The following KCND2 variants were observed in gnomAD, a reference collection of about 807,000 sequenced individuals.
The protein encoded by KCND2 is A-type voltage-gated potassium channel KCND2.
Under a neutral mutation model 54.4 loss-of-function variants are expected in KCND2, and 16 were observed. The ratio of observed to expected loss-of-function variants is 0.29; its 90% CI spans 0.20 to 0.45. The LOEUF (loss-of-function observed/expected upper bound fraction) is 0.45, where lower values mean the gene tolerates loss of function less well. KCND2 is among the 20% of genes least tolerant of loss of function. The pLI, the probability that KCND2 is intolerant of heterozygous loss-of-function variation, is 1.00. For synonymous variants in KCND2, 317 were observed against 310.7 expected (o/e 1.02, Z -0.21); for missense variants, 486 against 824.2 (o/e 0.59, Z 5.02).
At chr7:120,356,120 A>G (rs940604182) in intron 1 of KCND2, among the ~76,000 whole-genome samples, 1 of 152,158 alleles carries the variant, frequency 6.6e-6, no homozygotes, top group Non-Finnish European at 1.5e-5. Flanking sequence ...GGGAGTATGA[A>G]TTGTGTGATT....
intron 1 of KCND2, among the ~76,000 whole-genome samples, chr7:120,716,362 G>A (rs565411826): frequency 1.3e-5 from 2 of 152,034 alleles, no homozygotes; most frequent in East Asian, 1.9e-4. Context: ...ACATTAATCT[G>A]TTTATTAGGT....
intron 1 of KCND2, among the ~76,000 whole-genome samples, chr7:120,667,692 A>G (rs1268800695): frequency 2.0e-5 from 3 of 152,074 alleles, no homozygotes; most frequent in African/African-American, 7.2e-5. Flanking sequence ...GAGTTCTTCA[A>G]CCAAATGTAT....
At chr7:120,617,313 G>A (rs911644543) in intron 1 of KCND2, among the ~76,000 whole-genome samples, 6 of 151,838 alleles carry the variant, frequency 4.0e-5, no homozygotes, top group Non-Finnish European at 5.9e-5. Context: ...TAATGAAACC[G>A]GTTTAAACCA....
chr7:120,586,219 C>G (rs1792598968), intron 1 of KCND2, among the ~76,000 whole-genome samples: 1 of 151,966 alleles, frequency 6.6e-6, no homozygotes, highest in Non-Finnish European at 1.5e-5. Flanking sequence ...CAGATGGCTA[C>G]AGAATGATGA....
At chr7:120,516,798 TG>T (rs1584810054) in intron 1 of KCND2, among the ~76,000 whole-genome samples, 1 of 152,154 alleles carries the variant, frequency 6.6e-6, no homozygotes, top group Non-Finnish European at 1.5e-5. Flanking sequence ...TGCAGGCTTT[TG>T]TATTATACTT....
rs1187147076 is a variant in KCND2 at position 120,274,899 on chromosome 7, A to G, written c.267A>G (p.Pro89=). 4.3e-6 allele frequency: 7 copies of G among 1,613,960 alleles called. No homozygotes were observed. Among genetic ancestry groups the G allele is most frequent in the Non-Finnish European group, 8.5e-7 (1 of 1,179,970 alleles). Residue 89 remains proline (P), a synonymous_variant, in exon 1 of 6, where the codon CCA becomes CCG. Transcript: ENST00000331113. The part of the protein sequence containing the change: ...ETQQYFFDRD[P]DIFRHILNFY... ...AGCAGTATTTCTTTGACCGTGACCC[A>G]GACATCTTCCGCCACATCCTGAATT...
intron 1 of KCND2, among the ~76,000 whole-genome samples, chr7:120,424,538 A>G (rs942776576): frequency 3.3e-5 from 5 of 152,244 alleles, no homozygotes; most frequent in Non-Finnish European, 5.9e-5. Flanking sequence ...AAAGGTCGTA[A>G]ACCTAGTTCT....
intron 1 of KCND2, among the ~76,000 whole-genome samples, chr7:120,608,283 A>G (rs1792908627): frequency 6.6e-6 from 1 of 152,104 alleles, no homozygotes; most frequent in Non-Finnish European, 1.5e-5. Context: ...CTTGTTTTAG[A>G]TTTACTTGTT....
chr7:120,685,931 A>G (rs1792195775), intron 1 of KCND2, among the ~76,000 whole-genome samples: 1 of 152,162 alleles, frequency 6.6e-6, no homozygotes, highest in Non-Finnish European at 1.5e-5. Flanking sequence ...CTTTGAGGAA[A>G]GAGAAGCACA....
chr7:120,434,180 C>T (rs1333641857), intron 1 of KCND2, among the ~76,000 whole-genome samples: 1 of 152,218 alleles, frequency 6.6e-6, no homozygotes, highest in African/African-American at 2.4e-5. Context: ...CATTCACCGT[C>T]TTACTCCCAG....
At chr7:120,307,144 T>C (rs1799659808) in intron 1 of KCND2, among the ~76,000 whole-genome samples, 1 of 152,062 alleles carries the variant, frequency 6.6e-6, no homozygotes, top group South Asian at 2.1e-4. Flanking sequence ...ACAATTTTTT[T>C]CCAAACTCTG....
At chr7:120,416,196 T>C (rs533710369) in intron 1 of KCND2, among the ~76,000 whole-genome samples, 1 of 152,306 alleles carries the variant, frequency 6.6e-6, no homozygotes, top group South Asian at 2.1e-4. Context: ...AAAGCTAATA[T>C]TATTACTAAC....
At chr7:120,305,226 A>T (rs565973991) in intron 1 of KCND2, among the ~76,000 whole-genome samples, 1 of 152,300 alleles carries the variant, frequency 6.6e-6, no homozygotes, top group South Asian at 2.1e-4. Flanking sequence ...AAGAGCATGA[A>T]AATTATGAGG....
chr7:120,580,575 C>T (rs1792502580), intron 1 of KCND2, among the ~76,000 whole-genome samples: 1 of 152,142 alleles, frequency 6.6e-6, no homozygotes, highest in African/African-American at 2.4e-5. Flanking sequence ...AAACACCTGC[C>T]CCTGTACCAA....
chr7:120,713,457 T>C (rs1018387402), intron 1 of KCND2, among the ~76,000 whole-genome samples: 12 of 152,208 alleles, frequency 7.9e-5, no homozygotes, highest in Admixed American at 1.3e-4. Context: ...TCTGATTTCA[T>C]GTCTTGCCAA....
In KCND2 at chr7:120,557,917, G is replaced by T. The variant is rs34083088; in HGVS notation, c.1116-174986G>T. 9.3e-3 allele frequency among the ~76,000 whole-genome samples: 1,419 copies of T among 152,170 alleles called. 6 individuals carry two copies. Among genetic ancestry groups the T allele is most frequent in the Non-Finnish European group, 0.014 (961 of 67,970 alleles). ...ACTGAAAAAGAATAATTCTTACATA[G>T]TGGTTCCTAAATACCAAATTCCAAA... is the stretch of plus-strand genomic sequence containing the variant. On this transcript the variant is annotated intron_variant, in intron 1 of 5. Transcript: ENST00000331113.
intron 1 of KCND2, among the ~76,000 whole-genome samples, chr7:120,488,069 C>T (rs1185162837): frequency 5.3e-5 from 8 of 152,006 alleles, no homozygotes; most frequent in African/African-American, 1.9e-4. Context: ...GTGGCAGGTG[C>T]TTGTAGTCCC....
intron 1 of KCND2, among the ~76,000 whole-genome samples, chr7:120,515,579 C>G (rs1249365839): frequency 1.3e-5 from 2 of 151,982 alleles, no homozygotes; most frequent in Non-Finnish European, 2.9e-5. Context: ...GAGCTGAGAC[C>G]CACACCTTTG....
intron 1 of KCND2, among the ~76,000 whole-genome samples, chr7:120,543,503 A>C (rs1468262188): frequency 6.6e-6 from 1 of 152,098 alleles, no homozygotes; most frequent in African/African-American, 2.4e-5. Flanking sequence ...TGAATTCCTG[A>C]GAAGTCAAGT....
Sources: allele counts gnomAD v4.1 joint callset (sites outside exome capture counted in the v4.1 genomes callset), GRCh38; gene constraint gnomAD v4.1.1; transcripts MANE v1.5; gene names NCBI Gene and HGNC (gene_info 2026-07-23, HGNC 2026-07-21).